Variants in ADK observed in about 807,000 individuals in gnomAD.
ADK encodes N6,N6-dimethyladenosine kinase.
In ADK, 24 loss-of-function variants were observed where a neutral mutation model predicts 44.7. The ratio of observed to expected loss-of-function variants is 0.54; its 90% CI spans 0.39 to 0.76. The LOEUF (loss-of-function observed/expected upper bound fraction) is 0.76, where lower values mean the gene tolerates loss of function less well. Ranked by LOEUF, ADK falls within the 30% of genes least tolerant of loss-of-function variation. The pLI is 0.00. For missense variants in ADK, 321 were observed against 425.1 expected (o/e 0.76, Z 2.15); for synonymous variants, 128 against 142.6 (o/e 0.90, Z 0.73).
intron 2 of ADK, among the ~76,000 whole-genome samples, chr10:74,203,790 T>TG: frequency 6.6e-6 from 1 of 151,630 alleles, no homozygotes; most frequent in Non-Finnish European, 1.5e-5. Context: ...ATTTTTAATT[T>TG]GAGATCCCTC....
At chr10:74,314,586 A>G in intron 3 of ADK, 81 bp from the exon 4 acceptor site, 1 of 849,426 alleles carries the variant, frequency 1.2e-6, no homozygotes, top group Non-Finnish European at 2.0e-6. Context: ...TTGTGTTTTA[A>G]TACTCTTCTG....
intron 3 of ADK, among the ~76,000 whole-genome samples, chr10:74,272,420 C>T (rs770513715): frequency 7.9e-5 from 12 of 151,858 alleles, no homozygotes; most frequent in East Asian, 1.9e-4. Context: ...GGACTACAGG[C>T]GCGCACTACC....
At chr10:74,596,759 C>CT (rs1330950070) in intron 8 of ADK, among the ~76,000 whole-genome samples, 1 of 152,158 alleles carries the variant, frequency 6.6e-6, no homozygotes, top group Admixed American at 6.5e-5. Context: ...GTTGCCCAGG[C>CT]TAGTCTCAAA....
At chr10:74,640,336 A>G (rs1307555920) in intron 9 of ADK, among the ~76,000 whole-genome samples, 1 of 152,210 alleles carries the variant, frequency 6.6e-6, no homozygotes, top group Non-Finnish European at 1.5e-5. Context: ...TTGAAAAAAC[A>G]GTTTCTGTGC....
intron 3 of ADK, among the ~76,000 whole-genome samples, chr10:74,258,738 T>C (rs994614241): frequency 2.6e-5 from 4 of 152,176 alleles, no homozygotes; most frequent in African/African-American, 9.7e-5. Context: ...GTAGCTGTTA[T>C]GTTTACTGTT....
At chr10:74,589,578 G>A (rs909360156) in intron 8 of ADK, among the ~76,000 whole-genome samples, 2 of 152,088 alleles carry the variant, frequency 1.3e-5, no homozygotes, top group Non-Finnish European at 2.9e-5. Flanking sequence ...AAGAGGTTGG[G>A]CACGGTTTCA....
chr10:74,287,763 G>A (rs1847236115), intron 3 of ADK, among the ~76,000 whole-genome samples: 4 of 151,808 alleles, frequency 2.6e-5, no homozygotes, highest in South Asian at 2.1e-4. Flanking sequence ...TTTTGGGAGG[G>A]TGAGGTGGGA....
intron 6 of ADK, among the ~76,000 whole-genome samples, chr10:74,402,312 C>T (rs928900042): frequency 6.6e-6 from 1 of 152,164 alleles, no homozygotes; most frequent in African/African-American, 2.4e-5. Context: ...GGACATTCTC[C>T]TGAATAATAT....
At chr10:74,228,460 A>C (rs1456618577) in intron 3 of ADK, among the ~76,000 whole-genome samples, 1 of 152,200 alleles carries the variant, frequency 6.6e-6, no homozygotes, top group African/African-American at 2.4e-5. Context: ...TAAATGGAAT[A>C]ATTTAAAATA....
intron 3 of ADK, among the ~76,000 whole-genome samples, chr10:74,267,867 G>T (rs942379158): frequency 1.3e-5 from 2 of 151,122 alleles, no homozygotes; most frequent in Non-Finnish European, 2.9e-5. Flanking sequence ...GCTTGTTTGG[G>T]TTCCATATCT....
chr10:74,465,242 G>A (rs1846310854), intron 6 of ADK, among the ~76,000 whole-genome samples: 1 of 152,152 alleles, frequency 6.6e-6, no homozygotes, highest in Non-Finnish European at 1.5e-5. Flanking sequence ...TGAATAAATA[G>A]CAAGTATAAA....
intron 9 of ADK, among the ~76,000 whole-genome samples, chr10:74,609,529 C>T (rs560847186): frequency 7.6e-4 from 115 of 152,250 alleles, no homozygotes; most frequent in Non-Finnish European, 1.3e-3. Flanking sequence ...GGTAAGGTGA[C>T]GCCCCACCCT....
chr10:74,646,082 C>T (rs1854044150), intron 9 of ADK, among the ~76,000 whole-genome samples: 1 of 152,200 alleles, frequency 6.6e-6, no homozygotes, highest in South Asian at 2.1e-4. Context: ...TGTTTATCAA[C>T]ACGAACTTCA....
chr10:74,427,723 A>G (rs1592198694), intron 6 of ADK, among the ~76,000 whole-genome samples: 1 of 100,278 alleles, frequency 1.0e-5, no homozygotes, highest in African/African-American at 4.0e-5. Context: ...GTATATGTAT[A>G]TGTATGTGTG....
At chr10:74,308,520 C>T (rs1344109708) in intron 3 of ADK, among the ~76,000 whole-genome samples, 4 of 152,040 alleles carry the variant, frequency 2.6e-5, no homozygotes, top group Admixed American at 2.0e-4. Context: ...ATTTGCCTGT[C>T]GATTCCCCCC....
chr10:74,231,401 C>G (rs776600050), intron 3 of ADK, among the ~76,000 whole-genome samples: 1 of 152,038 alleles, frequency 6.6e-6, no homozygotes, highest in Non-Finnish European at 1.5e-5. Flanking sequence ...CAGCCTCTTT[C>G]TATGTATGAT....
intron 9 of ADK, among the ~76,000 whole-genome samples, chr10:74,601,600 T>G (rs148404193): frequency 2.0e-5 from 3 of 152,244 alleles, no homozygotes; most frequent in African/African-American, 7.2e-5. Context: ...TTGTTGAAGC[T>G]AGACAGTGGA....
chr10:74,649,312 G>A (rs575929967), intron 9 of ADK, among the ~76,000 whole-genome samples: 2 of 152,228 alleles, frequency 1.3e-5, no homozygotes, highest in East Asian at 1.9e-4. Flanking sequence ...ACACTTAATT[G>A]CTAGCTTAGA....
intron 6 of ADK, among the ~76,000 whole-genome samples, chr10:74,502,738 TTAGAGA>T (rs986358427): frequency 6.6e-6 from 1 of 151,904 alleles, no homozygotes; most frequent in Non-Finnish European, 1.5e-5. Context: ...AGGTTGGGAG[TTAGAGA>T]TAGAAAGCAG....
Sources: gnomAD v4.1 joint callset for allele counts (sites outside exome capture counted in the v4.1 genomes callset) on GRCh38, gnomAD v4.1.1 for gene constraint, MANE v1.5 for transcripts, NCBI Gene and HGNC (gene_info 2026-07-23, HGNC 2026-07-21) for gene names.